PCMT1: variants seen among roughly 807,000 people sequenced by gnomAD.
PCMT1 encodes the protein protein-L-isoaspartate (D-aspartate) O-methyltransferase.
PCMT1 carries 9 observed loss-of-function variants against 29.2 expected under a neutral mutation model. The observed-to-expected ratio is 0.31, with a 90% CI of 0.19 to 0.54. The LOEUF is 0.54. Among genes scored for constraint, PCMT1 ranks in the 20% least tolerant of loss-of-function variants. The pLI is 0.95. For synonymous variants in PCMT1, 98 were observed against 97.5 expected (o/e 1.00, Z -0.03); for missense variants, 184 against 282.2 (o/e 0.65, Z 2.49).
chr6:149,773,016 G>GAAAAAAA, intron 2 of PCMT1, 122 bp from the exon 3 acceptor site: 5 of 423,294 alleles, frequency 1.2e-5, no homozygotes, highest in Admixed American at 5.5e-5. Flanking sequence ...GACTGTCTCA[G>GAAAAAAA]AAAAAAAAAA....
At chr6:149,792,528 T>C (rs1469005603) in intron 4 of PCMT1, among the ~76,000 whole-genome samples, 1 of 152,192 alleles carries the variant, frequency 6.6e-6, no homozygotes, top group African/African-American at 2.4e-5. Flanking sequence ...TTGTTTGTTT[T>C]CTGAGACAGG....
intron 3 of PCMT1, among the ~76,000 whole-genome samples, chr6:149,775,761 A>G (rs569804736): frequency 6.6e-6 from 1 of 152,276 alleles, no homozygotes; most frequent in South Asian, 2.1e-4. Flanking sequence ...AGCAAGGGAA[A>G]ATTTCAATAT....
intron 6 of PCMT1, chr6:149,797,277 C>T (rs979313546): frequency 6.6e-6 from 1 of 152,064 alleles, no homozygotes; most frequent in African/African-American, 2.4e-5. Context: ...ATATAATTAA[C>T]ACAGGATATC....
At chr6:149,788,975 A>C (rs1788236560) in intron 3 of PCMT1, among the ~76,000 whole-genome samples, 1 of 151,908 alleles carries the variant, frequency 6.6e-6, no homozygotes, top group Non-Finnish European at 1.5e-5. Flanking sequence ...TATGTATAGA[A>C]TGATGTATTA....
chr6:149,749,762 A>G lies in PCMT1; in HGVS notation c.-140A>G, dbSNP rs2115181014. ...GCGCGCAGTGGCGGCAGCGGCGGCG[A>G]CGGCAGTAACAGCGGCAGCTACAGC... On this transcript the variant is annotated 5_prime_UTR_variant, in exon 1 of 8. Transcript: ENST00000464889. 6.5e-7 allele frequency: 1 copy of G among 1,546,898 alleles called. No individual in the cohort carries two copies. Among genetic ancestry groups the G allele is most frequent in the Admixed American group, 2.0e-5 (1 of 50,858 alleles).
intron 2 of PCMT1, among the ~76,000 whole-genome samples, 170 bp downstream of exon 2, chr6:149,771,436 G>T (rs905023235): frequency 6.6e-6 from 1 of 152,092 alleles, no homozygotes; most frequent in Non-Finnish European, 1.5e-5. Context: ...ATAAAATTAT[G>T]TATGTTTTTC....
At chr6:149,779,125 C>G (rs116444774) in intron 3 of PCMT1, among the ~76,000 whole-genome samples, 2,002 of 152,180 alleles carry the variant, frequency 0.013, 45 homozygotes, top group African/African-American at 0.047. Context: ...AGAGGCTTAT[C>G]TGTGTTCCAT....
intron 1 of PCMT1, among the ~76,000 whole-genome samples, chr6:149,767,479 GT>G (rs1346194575): frequency 6.6e-6 from 1 of 151,936 alleles, no homozygotes; most frequent in Non-Finnish European, 1.5e-5. Flanking sequence ...TTGAGACAGG[GT>G]TTCACTCTGT....
intron 5 of PCMT1, 122 bp downstream of exon 5, chr6:149,793,791 T>A: frequency 1.3e-6 from 1 of 798,778 alleles, no homozygotes; most frequent in Non-Finnish European, 1.8e-6. Flanking sequence ...TTTTAAGTAC[T>A]AAAAAATAAA....
intron 1 of PCMT1, among the ~76,000 whole-genome samples, chr6:149,766,479 G>A (rs1239282272): frequency 6.6e-6 from 1 of 152,182 alleles, no homozygotes; most frequent in East Asian, 1.9e-4. Context: ...GTGACAAACA[G>A]AAAGTGTAAC....
At chr6:149,761,196 T>C (rs75313000) in intron 1 of PCMT1, among the ~76,000 whole-genome samples, 3 of 139,626 alleles carry the variant, frequency 2.1e-5, no homozygotes, top group East Asian at 2.4e-4. Context: ...CACACACACA[T>C]AAAATTTTAT....
At chr6:149,789,844 A>G (rs1191824097) in intron 3 of PCMT1, 110 bp from the exon 4 acceptor site, 1 of 571,120 alleles carries the variant, frequency 1.8e-6, no homozygotes, top group Non-Finnish European at 3.0e-6. Flanking sequence ...TAACTTGGTT[A>G]TCTTGGTAGA....
At chr6:149,805,155 T>C (rs543897822) in intron 7 of PCMT1, among the ~76,000 whole-genome samples, 11 of 152,228 alleles carry the variant, frequency 7.2e-5, no homozygotes, top group Admixed American at 6.5e-5. Flanking sequence ...GATAAGAGGA[T>C]CACTTAAGCC....
At chr6:149,781,122 C>T (rs938415754) in intron 3 of PCMT1, among the ~76,000 whole-genome samples, 2 of 149,498 alleles carry the variant, frequency 1.3e-5, no homozygotes, top group African/African-American at 2.5e-5. Context: ...AGCGTCTTTT[C>T]ATGTGCGTTT....
intron 7 of PCMT1, among the ~76,000 whole-genome samples, chr6:149,802,984 C>T (rs896635451): frequency 1.5e-5 from 2 of 136,000 alleles, no homozygotes; most frequent in East Asian, 2.1e-4. Flanking sequence ...ACCCTGGAGG[C>T]GGAGGTTGCA....
At chr6:149,781,210 T>G (rs1787800760) in intron 3 of PCMT1, among the ~76,000 whole-genome samples, 1 of 147,404 alleles carries the variant, frequency 6.8e-6, no homozygotes, top group Non-Finnish European at 1.5e-5. Flanking sequence ...TTTTGTTTTT[T>G]TTTTTTAGAT....
At chr6:149,768,634 T>A (rs867545458) in intron 1 of PCMT1, among the ~76,000 whole-genome samples, 6 of 151,480 alleles carry the variant, frequency 4.0e-5, no homozygotes, top group East Asian at 3.9e-4. Context: ...TTTTCTTTTT[T>A]AATTTTTTTA....
At chr6:149,786,835 A>T (rs1583040316) in intron 3 of PCMT1, among the ~76,000 whole-genome samples, 1 of 121,240 alleles carries the variant, frequency 8.2e-6, no homozygotes, top group East Asian at 2.9e-4. Context: ...CCTAGATGGG[A>T]TGGCGGCTGG....
chr6:149,772,021 T>C (rs890148605), intron 2 of PCMT1: 10 of 456,798 alleles, frequency 2.2e-5, no homozygotes, highest in Admixed American at 1.9e-4. Flanking sequence ...TAGAAAGTCC[T>C]GTATTTAACT....
Sources: gnomAD v4.1 joint callset for allele counts (sites outside exome capture counted in the v4.1 genomes callset) on GRCh38, gnomAD v4.1.1 for gene constraint, MANE v1.5 for transcripts, NCBI Gene and HGNC (gene_info 2026-07-23, HGNC 2026-07-21) for gene names.